The following MTHFD1L variants were observed in gnomAD, a reference collection of about 807,000 sequenced individuals.
MTHFD1L encodes the protein monofunctional C1-tetrahydrofolate synthase, mitochondrial.
Under a neutral mutation model 119.5 loss-of-function variants are expected in MTHFD1L, and 81 were observed. The observed-to-expected ratio is 0.68, with a 90% CI of 0.57 to 0.82. MTHFD1L has a LOEUF of 0.82. MTHFD1L is among the 40% of genes least tolerant of loss of function. The probability of loss-of-function intolerance (pLI) is 0.00; values close to 1 mark genes in which losing one functional copy is unlikely to be tolerated. For synonymous variants in MTHFD1L, 430 were observed against 475.2 expected, an observed-to-expected ratio of 0.90 and a Z score of 1.24; for missense variants, 1,125 against 1,253.4, an observed-to-expected ratio of 0.90 and a Z score of 1.55.
In MTHFD1L at chr6:151,075,042, A is replaced by G. The variant is rs941394379; in HGVS notation, c.2848-17425A>G. 4.6e-5 allele frequency among the ~76,000 whole-genome samples: 7 copies of G among 152,368 alleles called. 1 individual carries two copies. In the South Asian group the frequency reaches 1.2e-3, roughly 27 times the overall value. On this transcript the variant is annotated intron_variant, in intron 26 of 27. Coordinates refer to ENST00000367321, the MANE Select transcript of MTHFD1L (RefSeq NM_015440.5). ...ATATATAGTTATCTACAAAGTAGAT[A>G]AAATGAAATCATTAAAAATAATCCA...
rs779376891 is a variant in MTHFD1L, at chr6:151,037,078, C to T, written c.2808C>T (p.Ala936=). The T allele has an allele frequency of 6.2e-6, 10 of 1,611,880 alleles. No homozygotes were observed. The African/African-American group carries it at 8.0e-5, about 13-fold the overall frequency. ...TCTTACCTATCAGTGACGTCCGGGC[C>T]AGCATAGGCGCTGGGTTCATTTACC... The part of the protein sequence containing the change: ...DFILPISDVR[A]SIGAGFIYPL... Residue 936 remains alanine (A), a synonymous_variant, in exon 26 of 28, where the codon GCC becomes GCT. Coordinates refer to ENST00000367321, the MANE Select transcript of MTHFD1L (RefSeq NM_015440.5).
intron 11 of MTHFD1L, chr6:150,935,134 T>C (rs1401696666): frequency 6.2e-6 from 10 of 1,613,686 alleles, no homozygotes; most frequent in Admixed American, 1.7e-5. Flanking sequence ...GATTTAACAC[T>C]GAGAAAATTA....
chr6:150,895,995 C>T (rs1032971976), intron 7 of MTHFD1L, among the ~76,000 whole-genome samples: 2 of 152,130 alleles, frequency 1.3e-5, no homozygotes, highest in Non-Finnish European at 2.9e-5. Flanking sequence ...CACACTTATT[C>T]TGTTAGGCAG....
chr6:151,006,564 A>C (rs546873520), intron 20 of MTHFD1L, among the ~76,000 whole-genome samples: 2 of 152,050 alleles, frequency 1.3e-5, no homozygotes, highest in African/African-American at 4.8e-5. Flanking sequence ...AGGGGGGAGG[A>C]GCTAGGTTTT....
intron 8 of MTHFD1L, among the ~76,000 whole-genome samples, chr6:150,915,988 T>C (rs1384420633): frequency 6.6e-6 from 1 of 152,174 alleles, no homozygotes; most frequent in African/African-American, 2.4e-5. Context: ...AGATCTCTAG[T>C]GGTTAAAACG....
At chr6:150,984,848 G>C (rs1006898132) in intron 20 of MTHFD1L, among the ~76,000 whole-genome samples, 13 of 152,126 alleles carry the variant, frequency 8.5e-5, no homozygotes, top group Non-Finnish European at 2.9e-5. Flanking sequence ...TATAATTCAT[G>C]TGTCATTTTC....
In MTHFD1L at chr6:151,048,215, G is replaced by C. The variant is rs148580927; in HGVS notation, c.2847+11098G>C. ...CTGGTGATGGAGGAACGGTGCCCTT[G>C]TCACACCTACCAGAATATACTCACC... On this transcript the variant is annotated intron_variant, in intron 26 of 27. Coordinates refer to ENST00000367321, the MANE Select transcript of MTHFD1L (RefSeq NM_015440.5). Among the ~76,000 whole-genome samples, 707 of 152,238 alleles carry C rather than the reference G, an allele frequency of 4.6e-3. 2 individuals carry two copies. Among genetic ancestry groups the C allele is most frequent in the Non-Finnish European group, 8.4e-3 (574 of 68,008 alleles).
At chr6:150,950,772 C>A (rs1367459086) in intron 16 of MTHFD1L, among the ~76,000 whole-genome samples, 6 of 152,130 alleles carry the variant, frequency 3.9e-5, no homozygotes, top group Admixed American at 3.9e-4. Flanking sequence ...CTGGCTCAGT[C>A]GATTCTCTTG....
chr6:150,938,444 C>T (rs981687796), intron 12 of MTHFD1L, among the ~76,000 whole-genome samples: 35 of 152,006 alleles, frequency 2.3e-4, no homozygotes, highest in African/African-American at 8.5e-4. Context: ...GTATGTTTTA[C>T]AGTAATGACA....
chr6:151,011,500 G>A (rs1782208785), intron 21 of MTHFD1L, among the ~76,000 whole-genome samples: 1 of 152,068 alleles, frequency 6.6e-6, no homozygotes, highest in Non-Finnish European at 1.5e-5. Flanking sequence ...TCTATTTCAG[G>A]GACTGATCAG....
intron 3 of MTHFD1L, 34 bp from the exon 4 acceptor site, chr6:150,877,739 T>G (rs202185194): frequency 6.8e-6 from 11 of 1,614,232 alleles, no homozygotes; most frequent in Middle Eastern, 1.6e-4. Flanking sequence ...TACATTCTCT[T>G]ATAGTGACGA....
intron 20 of MTHFD1L, among the ~76,000 whole-genome samples, chr6:151,002,798 G>A (rs1420540809): frequency 2.0e-5 from 3 of 152,182 alleles, no homozygotes; most frequent in African/African-American, 7.2e-5. Context: ...CAGAGGAGGC[G>A]TCTAGAAAGC....
intron 27 of MTHFD1L, among the ~76,000 whole-genome samples, chr6:151,096,405 CAAAA>C (rs2128662885): frequency 6.6e-6 from 1 of 152,198 alleles, no homozygotes; most frequent in Admixed American, 6.5e-5. Context: ...CTTGAACAAT[CAAAA>C]ACAGATCCAG....
intron 13 of MTHFD1L, among the ~76,000 whole-genome samples, chr6:150,942,675 A>G (rs1201018769): frequency 2.6e-5 from 4 of 152,118 alleles, no homozygotes; most frequent in Admixed American, 2.6e-4. Flanking sequence ...TAAGAGCTAA[A>G]GTATAAACTG....
At chr6:151,014,590 C>A (rs1377846307) in intron 22 of MTHFD1L, among the ~76,000 whole-genome samples, 1 of 152,242 alleles carries the variant, frequency 6.6e-6, no homozygotes, top group East Asian at 1.9e-4. Flanking sequence ...GGGCCTTGTG[C>A]CTGTCAGGCC....
At chr6:150,999,433 C>T (rs1780290507) in intron 20 of MTHFD1L, among the ~76,000 whole-genome samples, 1 of 152,194 alleles carries the variant, frequency 6.6e-6, no homozygotes, top group Admixed American at 6.5e-5. Flanking sequence ...TCCCAGGCCT[C>T]TAACCAGGAT....
chr6:150,990,140 GA>G (rs1778851461), intron 20 of MTHFD1L, among the ~76,000 whole-genome samples: 1 of 152,048 alleles, frequency 6.6e-6, no homozygotes. Flanking sequence ...TTAGCCAGGT[GA>G]GGTGGTGCGT....
chr6:151,006,493 A>T (rs1424692764), intron 20 of MTHFD1L, among the ~76,000 whole-genome samples: 1 of 152,134 alleles, frequency 6.6e-6, no homozygotes, highest in African/African-American at 2.4e-5. Flanking sequence ...ATATTAAGGC[A>T]CTTTAGGGAA....
chr6:150,941,287 C>T (rs575124132), intron 13 of MTHFD1L, among the ~76,000 whole-genome samples: 6 of 152,164 alleles, frequency 3.9e-5, no homozygotes, highest in Non-Finnish European at 7.4e-5. Context: ...CGTGGGCCAG[C>T]GGGAGTTGGG....
Sources: allele counts gnomAD v4.1 joint callset (sites outside exome capture counted in the v4.1 genomes callset), GRCh38; gene constraint gnomAD v4.1.1; transcripts MANE v1.5; gene names NCBI Gene and HGNC (gene_info 2026-07-23, HGNC 2026-07-21).